Variants in TRMT11 observed in about 807,000 individuals in gnomAD.
The protein encoded by TRMT11 is tRNA methyltransferase 11.
Under a neutral mutation model 62.8 loss-of-function variants are expected in TRMT11, and 53 were observed. The ratio of observed to expected loss-of-function variants is 0.84; its 90% CI spans 0.68 to 1.06. The LOEUF (loss-of-function observed/expected upper bound fraction) is 1.06. Among genes scored for constraint, TRMT11 ranks in the 50% least tolerant of loss-of-function variants. The probability of loss-of-function intolerance (pLI) is 0.00; values close to 1 mark genes in which losing one functional copy is unlikely to be tolerated. For missense variants in TRMT11, 556 were observed against 553.4 expected, an observed-to-expected ratio of 1.00 and a Z score of -0.05; for synonymous variants, 188 against 190.3, an observed-to-expected ratio of 0.99 and a Z score of 0.10.
At chr6:126,022,310 G>A (rs979142719) in intron 12 of TRMT11, among the ~76,000 whole-genome samples, 1 of 151,964 alleles carries the variant, frequency 6.6e-6, no homozygotes, top group Non-Finnish European at 1.5e-5. Flanking sequence ...GCCTCCCAAA[G>A]TGTTGGGATT....
intron 1 of TRMT11, among the ~76,000 whole-genome samples, chr6:125,992,474 C>CT (rs1790776900): frequency 6.6e-6 from 1 of 152,154 alleles, no homozygotes; most frequent in Non-Finnish European, 1.5e-5. Flanking sequence ...TGCTATAACT[C>CT]TATCAGTCTT....
chr6:126,098,645 A>G (rs1777364761), intron 17 of TRMT11, among the ~76,000 whole-genome samples: 1 of 152,220 alleles, frequency 6.6e-6, no homozygotes, highest in Non-Finnish European at 1.5e-5. Context: ...GAAATCTGTG[A>G]AATGAGATTG....
chr6:126,151,806 T>TTTTTTCTTTCTTTC (rs1554242198), intron 21 of TRMT11, among the ~76,000 whole-genome samples: 5 of 86,880 alleles, frequency 5.8e-5, no homozygotes, highest in African/African-American at 9.6e-5. Context: ...CCTCTCTGTC[T>TTTTTTCTTTCTTTC]TTTCTTTCTT....
intron 1 of TRMT11, among the ~76,000 whole-genome samples, chr6:126,196,264 A>G (rs938008884): frequency 6.6e-6 from 1 of 152,156 alleles, no homozygotes; most frequent in Admixed American, 6.5e-5. Flanking sequence ...TGGAAAACAC[A>G]CGAAACAAGG....
chr6:126,095,799 C>T (rs1295129127), intron 17 of TRMT11, among the ~76,000 whole-genome samples: 4 of 152,118 alleles, frequency 2.6e-5, no homozygotes, highest in Admixed American at 6.5e-5. Flanking sequence ...CATTTTTTAC[C>T]TGGGGGCTGA....
At chr6:126,063,572 T>G (rs914801744) in intron 17 of TRMT11, among the ~76,000 whole-genome samples, 1 of 152,248 alleles carries the variant, frequency 6.6e-6, no homozygotes, top group African/African-American at 2.4e-5. Flanking sequence ...AGACCAGAGC[T>G]TCTCAAATGT....
chr6:126,258,387 T>C, the TRMT11 span: 2 of 342,126 alleles, frequency 5.8e-6, no homozygotes, highest in South Asian at 2.4e-5. Context: ...TCACTGTGTC[T>C]GGACGCCAGC....
intron 17 of TRMT11, among the ~76,000 whole-genome samples, chr6:126,093,587 A>ATGTATG (rs1481755472): frequency 1.2e-3 from 18 of 15,246 alleles, no homozygotes; most frequent in African/African-American, 5.5e-3. Flanking sequence ...ATATGTATGT[A>ATGTATG]TATATATATA....
intron 21 of TRMT11, among the ~76,000 whole-genome samples, chr6:126,142,530 A>C (rs1441864289): frequency 6.6e-6 from 1 of 152,140 alleles, no homozygotes; most frequent in African/African-American, 2.4e-5. Flanking sequence ...ATGAATTTAT[A>C]GTCAGAAAAC....
intron 17 of TRMT11, among the ~76,000 whole-genome samples, chr6:126,095,818 C>T (rs1333051892): frequency 6.6e-6 from 1 of 152,190 alleles, no homozygotes; most frequent in African/African-American, 2.4e-5. Flanking sequence ...GACAATCTGA[C>T]TCTCACAGTA....
intron 17 of TRMT11, among the ~76,000 whole-genome samples, chr6:126,110,515 T>C (rs1284860090): frequency 1.3e-5 from 2 of 152,178 alleles, no homozygotes; most frequent in Non-Finnish European, 2.9e-5. Context: ...CTTTCAACTG[T>C]CTGTATTTTA....
chr6:126,243,539 T>G, the TRMT11 span, among the ~76,000 whole-genome samples: 1 of 152,164 alleles, frequency 6.6e-6, no homozygotes. Context: ...CTAACCCAAA[T>G]GTCCAACAAT....
Position 125,999,430 on chromosome 6 carries a change from C to T in TRMT11, c.523-27C>T, listed in dbSNP as rs375150169. 16 of 1,562,116 alleles carry T rather than the reference C, an allele frequency of 1.0e-5. No individual in the cohort carries two copies. In the African/African-American group the frequency reaches 2.2e-4, roughly 21 times the overall value. On this transcript the variant is annotated intron_variant, in intron 6 of 12. Transcript: ENST00000334379. ...CTTAAGTCTATTCTGTATGGCTATA[C>T]TAACATAAGAAATATCTCTGATTTA...
intron 2 of TRMT11, among the ~76,000 whole-genome samples, chr6:125,995,109 A>G (rs1264579686): frequency 6.6e-6 from 1 of 152,190 alleles, no homozygotes; most frequent in East Asian, 1.9e-4. Flanking sequence ...ACAAACCTGC[A>G]CATCCTGCAC....
intron 1 of TRMT11, among the ~76,000 whole-genome samples, chr6:126,183,859 AT>A (rs1778496180): frequency 1.3e-5 from 2 of 152,086 alleles, no homozygotes; most frequent in Non-Finnish European, 2.9e-5. Flanking sequence ...GGGGAAGCTG[AT>A]GCGAGCAACC....
At chr6:126,093,589 A>ATG (rs1562321313) in intron 17 of TRMT11, among the ~76,000 whole-genome samples, 9 of 27,626 alleles carry the variant, frequency 3.3e-4, no homozygotes, top group African/African-American at 9.1e-4. Context: ...ATGTATGTAT[A>ATG]TATATATATA....
rs780447232 is a variant in TRMT11 at position 126,079,403 on chromosome 6, G to A, written c.*1437+26213G>A. On this transcript the variant is annotated intron_variant and NMD_transcript_variant, in intron 17 of 22. Coordinates refer to the TRMT11 transcript ENST00000648977. ...CACAGCTTCCAAGGCATGAGGAGGAGGAGGGAATCTGAAGACAGACAAATA... is the reference window on the plus strand; with the variant it reads ...CACAGCTTCCAAGGCATGAGGAGGAAGAGGGAATCTGAAGACAGACAAATA... 5.5e-4 allele frequency among the ~76,000 whole-genome samples: 84 copies of A among 152,246 alleles called. 3 individuals are homozygous for A. The highest frequency in any genetic ancestry group is 3.5e-4 in the Non-Finnish European group (24 of 68,014).
In TRMT11 at chr6:126,021,240, C is replaced by A; in HGVS notation, c.1220C>A (p.Ser407Ter). 1 of 1,614,166 alleles carries A rather than the reference C, an allele frequency of 6.2e-7. No homozygotes were observed. Residue 407 changes from serine to a stop codon, truncating the protein, a stop_gained, in exon 12 of 13, where the codon TCA (serine) becomes TAA (stop). Transcript: ENST00000334379. LOFTEE classifies it high-confidence loss of function. ...NCEQKLSSHT[S>*]RRLITMEKVK... The stretch of plus-strand genomic sequence containing the variant: ...GAGCAGAAGCTTTCCAGTCACACAT[C>A]AAGGCGCTTGATCACAATGGAAAAG...
At chr6:126,194,394 A>C (rs1185950233) in intron 1 of TRMT11, among the ~76,000 whole-genome samples, 1 of 152,186 alleles carries the variant, frequency 6.6e-6, no homozygotes, top group South Asian at 2.1e-4. Context: ...CTGATGGTAC[A>C]CACTACTGAC....
Sources: gnomAD v4.1 joint callset for allele counts (sites outside exome capture counted in the v4.1 genomes callset) on GRCh38, gnomAD v4.1.1 for gene constraint, MANE v1.5 for transcripts, NCBI Gene and HGNC (gene_info 2026-07-23, HGNC 2026-07-21) for gene names.